The following ENOX2 variants were observed in gnomAD, a reference collection of about 807,000 sequenced individuals.
ENOX2 encodes APK1 antigen.
In ENOX2, 36 loss-of-function variants were observed where a neutral mutation model predicts 45.0. That is an observed-to-expected ratio of 0.80 (90% CI 0.61 to 1.06). The LOEUF is 1.06. Ranked by LOEUF, ENOX2 falls within the 50% of genes least tolerant of loss-of-function variation. The pLI, the probability that ENOX2 is intolerant of heterozygous loss-of-function variation, is 0.00. For missense variants in ENOX2, 423 were observed against 462.5 expected, an observed-to-expected ratio of 0.91 and a Z score of 0.78; for synonymous variants, 174 against 152.3, an observed-to-expected ratio of 1.14 and a Z score of -1.05.
intron 2 of ENOX2, among the ~76,000 whole-genome samples, chrX:130,813,053 T>C (rs916593102): frequency 3.6e-5 from 4 of 112,246 alleles, no homozygotes; most frequent in African/African-American, 1.3e-4. Context: ...TTCAGATTTT[T>C]GAATTACGAA....
chrX:130,795,721 A>C (rs2077112960), intron 2 of ENOX2, among the ~76,000 whole-genome samples: 1 of 112,119 alleles, frequency 8.9e-6, no homozygotes, highest in African/African-American at 3.2e-5. Context: ...CCTTTGCTTC[A>C]TTCATGCCAA....
chrX:130,886,320 AC>A (rs2078901605), intron 2 of ENOX2, among the ~76,000 whole-genome samples: 1 of 112,894 alleles, frequency 8.9e-6, no homozygotes, highest in African/African-American at 3.2e-5. Context: ...TAATAAAGCA[AC>A]AATGGAGATG....
chrX:130,870,668 A>G (rs1484783991), intron 2 of ENOX2, among the ~76,000 whole-genome samples: 5 of 111,828 alleles, frequency 4.5e-5, no homozygotes, highest in Non-Finnish European at 9.4e-5. Context: ...ATGATTAAAT[A>G]TATAAATCCC....
chrX:130,636,139 G>A (rs2035926100), intron 11 of ENOX2, among the ~76,000 whole-genome samples: 1 of 112,174 alleles, frequency 8.9e-6, no homozygotes, highest in East Asian at 2.8e-4. Flanking sequence ...GTTCTTTGAA[G>A]TGTAGGTGAG....
At chrX:130,732,124 T>G (rs945172709) in intron 3 of ENOX2, among the ~76,000 whole-genome samples, 13 of 111,944 alleles carry the variant, frequency 1.2e-4, no homozygotes, top group Admixed American at 2.8e-4. Context: ...AAGAAAATGG[T>G]TAGAACTAAT....
At chrX:130,833,996 C>A (rs1481774584) in intron 2 of ENOX2, among the ~76,000 whole-genome samples, 1 of 111,456 alleles carries the variant, frequency 9.0e-6, no homozygotes, top group African/African-American at 3.3e-5. Flanking sequence ...AACAAACAGA[C>A]AATAAGCCCT....
chrX:130,899,498 G>A (rs2079110881), intron 2 of ENOX2, among the ~76,000 whole-genome samples: 1 of 112,090 alleles, frequency 8.9e-6, no homozygotes, highest in African/African-American at 3.2e-5. Context: ...GTGTGGTACA[G>A]GCTAGGACGG....
chrX:130,632,962 G>C (rs189034720), intron 12 of ENOX2, among the ~76,000 whole-genome samples: 6 of 112,271 alleles, frequency 5.3e-5, no homozygotes, highest in East Asian at 5.6e-4. Context: ...TTAAGTGTGA[G>C]AGTTTAACAG....
At chrX:130,632,338 C>A (rs758817845) in intron 12 of ENOX2, among the ~76,000 whole-genome samples, 1 of 73,793 alleles carries the variant, frequency 1.4e-5, no homozygotes, top group Non-Finnish European at 2.4e-5. Flanking sequence ...GAAAGTTCTT[C>A]TCTTTCAGAA....
At chrX:130,836,343 C>T (rs775722504) in intron 2 of ENOX2, among the ~76,000 whole-genome samples, 15 of 111,277 alleles carry the variant, frequency 1.3e-4, no homozygotes, top group Non-Finnish European at 2.1e-4. Flanking sequence ...AGGGACTGAG[C>T]ATCTGGGAAA....
chrX:130,855,914 AT>A (rs2078299281), intron 2 of ENOX2, among the ~76,000 whole-genome samples: 1 of 112,105 alleles, frequency 8.9e-6, no homozygotes, highest in East Asian at 2.8e-4. Context: ...GTCAAAGGAC[AT>A]AAAGAGATAT....
At position 130,884,723 on chromosome X, in the gene ENOX2, TGAGAGA is replaced by T. The variant is rs369147801; in HGVS notation, c.-183+16955_-183+16960del. On this transcript the variant is annotated intron_variant, in intron 2 of 14. Coordinates refer to ENST00000394363, the MANE Select transcript of ENOX2 (RefSeq NM_006375.4). ...TTTAAAAGATAAGAATGCTGATCTA[TGAGAGA>T]GAGAGAGAGAGAGAGAAAGAGAGAC... Among the ~76,000 whole-genome samples the T allele has an allele frequency of 6.9e-3, 728 of 106,264 alleles. 13 individuals carry two copies. The East Asian group carries it at 0.12, about 17-fold the overall frequency. 92.3% of individuals were successfully genotyped at this position (106,264 alleles called of 115,157 possible). A position where few individuals can be genotyped will look rare whatever the true frequency, so the allele number is the denominator to read the frequency against.
chrX:130,809,512 T>G (rs1239741464), intron 2 of ENOX2, among the ~76,000 whole-genome samples: 1 of 112,016 alleles, frequency 8.9e-6, no homozygotes, highest in Non-Finnish European at 1.9e-5. Flanking sequence ...AAGATCGATG[T>G]TTTTTTATTC....
intron 2 of ENOX2, among the ~76,000 whole-genome samples, chrX:130,811,541 G>A (rs1254499106): frequency 8.9e-6 from 1 of 112,252 alleles, no homozygotes; most frequent in Admixed American, 9.4e-5. Context: ...GGTCTTCCCA[G>A]AATCTCTAAA....
In ENOX2 at chrX:130,724,666, G is replaced by T. The variant is rs183417665; in HGVS notation, c.-38-21412C>A. 1.3e-4 allele frequency among the ~76,000 whole-genome samples: 15 copies of T among 112,404 alleles called. No homozygotes were observed. The East Asian group carries it at 4.2e-3, about 31-fold the overall frequency. ...CCAAGCTATTGGAAGAGACTGACTA[G>T]ACAGTTACAGGCTTCTCCATTTTCA... On this transcript the variant is annotated intron_variant, in intron 3 of 14. Transcript: ENST00000394363.
At chrX:130,709,451 C>A in intron 3 of ENOX2, 1 of 486,351 alleles carries the variant, frequency 2.1e-6, no homozygotes. Context: ...CCAGCCAGGT[C>A]AACATGGTAA....
intron 5 of ENOX2, among the ~76,000 whole-genome samples, chrX:130,686,011 A>G (rs2037440160): frequency 9.0e-6 from 1 of 111,606 alleles, no homozygotes; most frequent in Admixed American, 9.5e-5. Context: ...CTTTCTAATA[A>G]AGCAACAAGA....
chrX:130,851,912 C>T (rs746900948), intron 2 of ENOX2, among the ~76,000 whole-genome samples: 4 of 111,874 alleles, frequency 3.6e-5, no homozygotes, highest in Admixed American at 9.5e-5. Flanking sequence ...TTTAATGCAC[C>T]TGGGGCAGCT....
intron 3 of ENOX2, among the ~76,000 whole-genome samples, chrX:130,751,426 C>T (rs1265735092): frequency 8.9e-6 from 1 of 112,010 alleles, no homozygotes; most frequent in African/African-American, 3.2e-5. Context: ...GGATATATCA[C>T]TATTTGTTTA....
Sources: allele counts gnomAD v4.1 joint callset (sites outside exome capture counted in the v4.1 genomes callset), GRCh38; gene constraint gnomAD v4.1.1; transcripts MANE v1.5; gene names NCBI Gene and HGNC (gene_info 2026-07-23, HGNC 2026-07-21).